The following PSMB2 variants were observed in gnomAD, a reference collection of about 807,000 sequenced individuals.
PSMB2 encodes proteasome subunit beta type-2.
In PSMB2, 13 loss-of-function variants were observed where a neutral mutation model predicts 25.7. That is an observed-to-expected ratio of 0.51 (90% CI 0.33 to 0.80). PSMB2 has a LOEUF of 0.80. Ranked by LOEUF, PSMB2 falls within the 30% of genes least tolerant of loss-of-function variation. PSMB2 has a pLI of 0.02. For missense variants in PSMB2, 202 were observed against 259.0 expected (o/e 0.78, Z 1.51); for synonymous variants, 87 against 96.2 (o/e 0.90, Z 0.56).
At chr1:35,627,258 C>CA (rs772688881) in intron 3 of PSMB2, among the ~76,000 whole-genome samples, 3,355 of 34,874 alleles carry the variant, frequency 0.096, 226 homozygotes, top group Non-Finnish European at 0.12. Flanking sequence ...GACCCTATCT[C>CA]AAAAAAAAAA....
At chr1:35,605,620 C>G (rs975303530) in intron 4 of PSMB2, among the ~76,000 whole-genome samples, 10 of 152,256 alleles carry the variant, frequency 6.6e-5, no homozygotes, top group African/African-American at 9.6e-5. Flanking sequence ...TTTCACTCCC[C>G]CTTAGTCCAG....
At chr1:35,604,655 A>C (rs112764618) in intron 5 of PSMB2, among the ~76,000 whole-genome samples, 5,853 of 152,200 alleles carry the variant, frequency 0.038, 351 homozygotes, top group African/African-American at 0.12. Flanking sequence ...GTGGTGGGCA[A>C]CTGTAATCCC....
At chr1:35,633,965 T>C (rs150533680) in intron 2 of PSMB2, among the ~76,000 whole-genome samples, 116 of 152,388 alleles carry the variant, frequency 7.6e-4, no homozygotes, top group African/African-American at 2.6e-3. Flanking sequence ...AACGTTGTTA[T>C]TGAACTGTGA....
At position 35,599,564 on chromosome 1, in the gene PSMB2, G is replaced by A. The variant is rs1649927348; in HGVS notation, c.*3703C>T. The A allele has an allele frequency of 2.0e-6, 2 of 984,776 alleles. No individual in the cohort carries two copies. Among genetic ancestry groups the A allele is most frequent in the South Asian group, 9.4e-5 (2 of 21,274 alleles). The allele number at this position is 984,776 out of a possible 1,614,324, so 61.0% of individuals were successfully genotyped here. On this transcript the variant is annotated 3_prime_UTR_variant, in exon 6 of 6. Coordinates refer to ENST00000373237, the MANE Select transcript of PSMB2 (RefSeq NM_002794.5). The stretch of plus-strand genomic sequence containing the variant: ...AATTTAGTTGGAACACAGGCTTTAT[G>A]AGGTGTAAAGGAGGGAAAGGAAGTG...
intron 4 of PSMB2, among the ~76,000 whole-genome samples, 185 bp downstream of exon 4, chr1:35,609,060 AC>A (rs1164850593): frequency 6.6e-6 from 1 of 152,244 alleles, no homozygotes; most frequent in South Asian, 2.1e-4. Flanking sequence ...AATAGAACTT[AC>A]ATCAGCTTTT....
At chr1:35,637,066 A>T (rs1440336076) in intron 1 of PSMB2, among the ~76,000 whole-genome samples, 1 of 152,240 alleles carries the variant, frequency 6.6e-6, no homozygotes, top group East Asian at 1.9e-4. Context: ...AAGGAACAGA[A>T]CGACAGAAGA....
chr1:35,615,774 T>G (rs1323423461), intron 3 of PSMB2, among the ~76,000 whole-genome samples: 1 of 152,172 alleles, frequency 6.6e-6, no homozygotes, highest in East Asian at 1.9e-4. Flanking sequence ...GTGAGGTGCT[T>G]TGGAGAATGG....
At chr1:35,633,366 C>G (rs903020081) in intron 2 of PSMB2, among the ~76,000 whole-genome samples, 1 of 152,126 alleles carries the variant, frequency 6.6e-6, no homozygotes, top group African/African-American at 2.4e-5. Context: ...TATAGATTTT[C>G]TCTTTCTTTC....
chr1:35,617,342 C>T (rs970885665), intron 3 of PSMB2, among the ~76,000 whole-genome samples: 1 of 152,118 alleles, frequency 6.6e-6, no homozygotes, highest in African/African-American at 2.4e-5. Flanking sequence ...CCCATCATGC[C>T]CGGCCTTGTA....
chr1:35,628,599 ATATATATATATAT>A (rs1650971290), intron 3 of PSMB2, among the ~76,000 whole-genome samples: 1 of 23,602 alleles, frequency 4.2e-5, no homozygotes, highest in Admixed American at 7.8e-4. Context: ...AAAAAAAAAT[ATATATATATATAT>A]ATATATATAT....
At chr1:35,612,429 A>C (rs918406106) in intron 3 of PSMB2, among the ~76,000 whole-genome samples, 1 of 152,208 alleles carries the variant, frequency 6.6e-6, no homozygotes, top group Non-Finnish European at 1.5e-5. Flanking sequence ...TTCCTACTAC[A>C]TAACTACATC....
At chr1:35,638,671 T>C (rs898870981) in intron 1 of PSMB2, among the ~76,000 whole-genome samples, 1 of 152,182 alleles carries the variant, frequency 6.6e-6, no homozygotes, top group Non-Finnish European at 1.5e-5. Flanking sequence ...CTGTGTGGGC[T>C]GGAGTACTCC....
chr1:35,632,035 G>T (rs1651120762), intron 2 of PSMB2, among the ~76,000 whole-genome samples: 1 of 151,646 alleles, frequency 6.6e-6, no homozygotes, highest in Admixed American at 6.6e-5. Context: ...ACGAAAACAG[G>T]AACAAAAAGG....
chr1:35,615,814 T>G (rs1222306241), intron 3 of PSMB2, among the ~76,000 whole-genome samples: 1 of 152,208 alleles, frequency 6.6e-6, no homozygotes, highest in Non-Finnish European at 1.5e-5. Context: ...TGTTGCACCT[T>G]GGAATGCTAA....
At chr1:35,624,800 C>T (rs1213900385) in intron 3 of PSMB2, among the ~76,000 whole-genome samples, 1 of 151,696 alleles carries the variant, frequency 6.6e-6, no homozygotes, top group African/African-American at 2.4e-5. Flanking sequence ...CGGTGGCTCA[C>T]GCCTGTAATC....
At chr1:35,628,929 A>G (rs951024840) in intron 3 of PSMB2, among the ~76,000 whole-genome samples, 11 of 152,120 alleles carry the variant, frequency 7.2e-5, no homozygotes, top group Admixed American at 2.0e-4. Context: ...AACTCAAACC[A>G]TAATAAAAAT....
intron 3 of PSMB2, among the ~76,000 whole-genome samples, chr1:35,619,034 C>G (rs1650595878): frequency 6.6e-6 from 1 of 152,218 alleles, no homozygotes; most frequent in Non-Finnish European, 1.5e-5. Context: ...AAACACTGCT[C>G]TGAAAATGAG....
intron 3 of PSMB2, among the ~76,000 whole-genome samples, chr1:35,618,782 C>T (rs1024709565): frequency 5.3e-5 from 8 of 151,888 alleles, no homozygotes; most frequent in East Asian, 3.9e-4. Context: ...AATCTTGTGA[C>T]GGAAAAAAAG....
intron 3 of PSMB2, among the ~76,000 whole-genome samples, chr1:35,628,600 T>TATAC (rs1650971546): frequency 4.0e-5 from 1 of 24,750 alleles, no homozygotes; most frequent in Non-Finnish European, 7.6e-5. Context: ...AAAAAAAATA[T>TATAC]ATATATATAT....
Sources: gnomAD v4.1 joint callset for allele counts (sites outside exome capture counted in the v4.1 genomes callset) on GRCh38, gnomAD v4.1.1 for gene constraint, MANE v1.5 for transcripts, NCBI Gene and HGNC (gene_info 2026-07-23, HGNC 2026-07-21) for gene names.